The following PDE4DIP variants were observed in gnomAD, a reference collection of about 807,000 sequenced individuals.
PDE4DIP encodes phosphodiesterase 4D interacting protein, also known as myomegalin.
In PDE4DIP, 59 loss-of-function variants were observed where a neutral mutation model predicts 221.4. The ratio of observed to expected loss-of-function variants is 0.27; its 90% CI spans 0.22 to 0.33. PDE4DIP has a LOEUF of 0.33. Among genes scored for constraint, PDE4DIP ranks in the 10% least tolerant of loss-of-function variants. PDE4DIP has a pLI of 1.00. For missense variants in PDE4DIP, 1,036 were observed against 2,154.2 expected (o/e 0.48, Z 10.28); for synonymous variants, 404 against 815.9 (o/e 0.50, Z 8.60).
intron 21 of PDE4DIP, among the ~76,000 whole-genome samples, chr1:148,987,020 G>A (rs1329025746): frequency 3.3e-5 from 5 of 152,084 alleles, no homozygotes; most frequent in African/African-American, 1.2e-4. Flanking sequence ...TTACCCTTTT[G>A]GAGAAGTAGA....
intron 35 of PDE4DIP, among the ~76,000 whole-genome samples, chr1:149,019,742 G>T (rs1455694489): frequency 3.3e-5 from 5 of 152,170 alleles, no homozygotes; most frequent in African/African-American, 1.2e-4. Context: ...AACTTGTGAA[G>T]ATCAGAGAAG....
intron 22 of PDE4DIP, among the ~76,000 whole-genome samples, chr1:148,996,590 G>T (rs201231737): frequency 6.6e-6 from 1 of 152,022 alleles, no homozygotes; most frequent in Non-Finnish European, 1.5e-5. Context: ...ACCTGGGTGC[G>T]CATGTCTTCA....
rs34462317 is a variant in PDE4DIP, at chr1:148,979,035, T to TAA, written c.2574+635_2574+636dup. 3.7e-4 allele frequency among the ~76,000 whole-genome samples: 49 copies of TAA among 133,124 alleles called. 1 individual carries two copies. The Middle Eastern group carries it at 0.016, about 42-fold the overall frequency. The allele number at this position is 133,124 out of a possible 152,430, so 87.3% of individuals were successfully genotyped here. A position where few individuals can be genotyped will look rare whatever the true frequency, so the allele number is the denominator to read the frequency against. On this transcript the variant is annotated intron_variant, in intron 19 of 43. Transcript: ENST00000369354. ...TAACCATGTTCAGATCTCTCCCAGT[T>TAA]AAAAAAAAAAAAAAAAGAGAAAGAA...
intron 2 of PDE4DIP, chr1:148,930,097 G>A (rs1468366062): frequency 4.0e-5 from 6 of 151,116 alleles, no homozygotes; most frequent in Non-Finnish European, 5.9e-5. Flanking sequence ...TTGCTAAAAT[G>A]GTTACTTTTA....
At chr1:148,949,085 C>T (rs2052510110) in intron 5 of PDE4DIP, among the ~76,000 whole-genome samples, 1 of 152,122 alleles carries the variant, frequency 6.6e-6, no homozygotes, top group Non-Finnish European at 1.5e-5. Context: ...TGATCGCTGG[C>T]TAGTACTGTA....
intron 37 of PDE4DIP, among the ~76,000 whole-genome samples, chr1:149,023,865 A>C (rs1186548486): frequency 1.3e-5 from 2 of 151,522 alleles, no homozygotes; most frequent in East Asian, 3.9e-4. Context: ...TAGTATGTAT[A>C]TACACACAAC....
intron 22 of PDE4DIP, among the ~76,000 whole-genome samples, chr1:148,997,509 C>T (rs1698626): frequency 6.6e-6 from 1 of 152,284 alleles, no homozygotes; most frequent in East Asian, 1.9e-4. Context: ...GATGGCTTCA[C>T]CTCCATCTCC....
intron 1 of PDE4DIP, among the ~76,000 whole-genome samples, chr1:148,917,975 T>G (rs1341922732): frequency 1.4e-5 from 2 of 147,936 alleles, no homozygotes; most frequent in African/African-American, 5.0e-5. Context: ...TGATTGAATA[T>G]CTCCATTTTT....
intron 21 of PDE4DIP, among the ~76,000 whole-genome samples, chr1:148,989,803 C>T (rs1231853041): frequency 6.6e-6 from 1 of 152,172 alleles, no homozygotes; most frequent in South Asian, 2.1e-4. Flanking sequence ...GAAAGATTTT[C>T]CAAAGTAAGC....
chr1:148,896,576 C>T lies in PDE4DIP; in HGVS notation c.141+6682C>T, dbSNP rs1242810104. On this transcript the variant is annotated intron_variant, in intron 1 of 43. Coordinates refer to ENST00000369354, the Ensembl canonical transcript of PDE4DIP. The stretch of plus-strand genomic sequence containing the variant: ...TATTTTTAAATGGTTCTCTGGAAGC[C>T]TAGTATGAACATGGTCCATGTGTGT... 7.6e-5 allele frequency among the ~76,000 whole-genome samples: 8 copies of T among 105,046 alleles called. No individual in the cohort carries two copies. The South Asian group carries it at 3.1e-3, about 41-fold the overall frequency. The allele number at this position is 105,046 out of a possible 152,430, so 68.9% of individuals were successfully genotyped here.
rs1475033770 is a variant in PDE4DIP, at chr1:148,980,334, G to A, written c.2687+485G>A. 2.0e-5 allele frequency among the ~76,000 whole-genome samples: 3 copies of A among 152,202 alleles called. No homozygotes were observed. In the East Asian group the frequency reaches 5.8e-4, roughly 29 times the overall value. ...TTGAACCTGGGAGGCAGAGGTTGCA[G>A]TGAGCTGGGTTCACACCACTGCACT... On this transcript the variant is annotated intron_variant, in intron 20 of 43. Transcript: ENST00000369354.
At chr1:149,017,868 C>T (rs782189064) in exon 34 of PDE4DIP, 1 of 1,613,314 alleles carries the variant, frequency 6.2e-7, no homozygotes. Flanking sequence ...ACCTCTACTG[C>T]TCGTGGAAGG....
intron 5 of PDE4DIP, among the ~76,000 whole-genome samples, chr1:148,956,609 G>A (rs1370830820): frequency 2.0e-5 from 3 of 151,944 alleles, no homozygotes; most frequent in African/African-American, 7.2e-5. Flanking sequence ...GAAAAGCTAT[G>A]ATGGGAGGGA....
intron 17 of PDE4DIP, among the ~76,000 whole-genome samples, chr1:148,975,106 G>C (rs782714508): frequency 2.7e-4 from 40 of 146,360 alleles, no homozygotes; most frequent in Non-Finnish European, 5.2e-4. Context: ...GGGAGGCAGA[G>C]GTTGCAGTGA....
chr1:149,020,748 C>G (rs2072511169), intron 36 of PDE4DIP: 2 of 436,238 alleles, frequency 4.6e-6, no homozygotes, highest in African/African-American at 4.0e-5. Context: ...ACTGTAGGAA[C>G]AGTAAGGAGA....
At chr1:148,956,624 G>A (rs1553502738) in intron 5 of PDE4DIP, among the ~76,000 whole-genome samples, 1 of 151,600 alleles carries the variant, frequency 6.6e-6, no homozygotes, top group Non-Finnish European at 1.5e-5. Flanking sequence ...GAGGGATGTG[G>A]TCCCTTAGTA....
intron 5 of PDE4DIP, among the ~76,000 whole-genome samples, chr1:148,949,728 A>C (rs1573206): frequency 1.2e-3 from 178 of 152,166 alleles, no homozygotes; most frequent in African/African-American, 4.1e-3. Context: ...GTGATCTTTT[A>C]ATTGGGAACA....
intron 37 of PDE4DIP, among the ~76,000 whole-genome samples, chr1:149,023,934 TAG>T (rs1174203387): frequency 4.8e-5 from 7 of 146,926 alleles, no homozygotes; most frequent in African/African-American, 1.0e-4. Flanking sequence ...CACATATATA[TAG>T]AGAGAGAGAG....
chr1:149,029,514 G>GT (rs2076091335), intron 41 of PDE4DIP, among the ~76,000 whole-genome samples: 2 of 152,146 alleles, frequency 1.3e-5, no homozygotes, highest in Non-Finnish European at 2.9e-5. Context: ...AGAGTTGGGA[G>GT]TTTGATACCA....
Sources: allele counts gnomAD v4.1 joint callset (sites outside exome capture counted in the v4.1 genomes callset), GRCh38; gene constraint gnomAD v4.1.1; transcripts MANE v1.5; gene names NCBI Gene and HGNC (gene_info 2026-07-23, HGNC 2026-07-21).